The following CCSER1 variants were observed in gnomAD, a reference collection of about 807,000 sequenced individuals.
The protein encoded by CCSER1 is serine-rich coiled-coil domain-containing protein 1.
CCSER1 carries 41 observed loss-of-function variants against 82.0 expected under a neutral mutation model. The ratio of observed to expected loss-of-function variants is 0.50; its 90% CI spans 0.39 to 0.65. CCSER1 has a LOEUF of 0.65. Among genes scored for constraint, CCSER1 ranks in the 30% least tolerant of loss-of-function variants. The probability of loss-of-function intolerance (pLI) is 0.00; values close to 1 mark genes in which losing one functional copy is unlikely to be tolerated. For synonymous variants in CCSER1, 414 were observed against 383.9 expected, an observed-to-expected ratio of 1.08 and a Z score of -0.92; for missense variants, 1,119 against 1,064.2, an observed-to-expected ratio of 1.05 and a Z score of -0.72.
intron 9 of CCSER1, among the ~76,000 whole-genome samples, chr4:90,962,736 G>A (rs1734170000): frequency 6.6e-6 from 1 of 152,086 alleles, no homozygotes; most frequent in African/African-American, 2.4e-5. Flanking sequence ...GCCATGTCTT[G>A]GGTTCTTACC....
At chr4:90,501,305 C>T (rs372764818) in intron 5 of CCSER1, among the ~76,000 whole-genome samples, 1 of 152,070 alleles carries the variant, frequency 6.6e-6, no homozygotes, top group East Asian at 1.9e-4. Flanking sequence ...AATTTCCGGT[C>T]TTTAAAGTGA....
intron 10 of CCSER1, among the ~76,000 whole-genome samples, chr4:91,427,335 T>C (rs1754044185): frequency 6.6e-6 from 1 of 152,156 alleles, no homozygotes; most frequent in Non-Finnish European, 1.5e-5. Flanking sequence ...CAAAGTGTGA[T>C]TCATGTAATA....
chr4:90,751,691 C>T (rs774372777), intron 7 of CCSER1, among the ~76,000 whole-genome samples: 14 of 151,996 alleles, frequency 9.2e-5, no homozygotes, highest in Non-Finnish European at 1.8e-4. Flanking sequence ...ATAACATATT[C>T]ATTTTGAGAA....
intron 1 of CCSER1, among the ~76,000 whole-genome samples, chr4:90,147,319 A>G (rs1726001259): frequency 6.6e-6 from 1 of 152,184 alleles, no homozygotes; most frequent in African/African-American, 2.4e-5. Context: ...CAGAAAACTC[A>G]TTAACTTGTC....
chr4:90,925,285 G>C (rs907494001), intron 9 of CCSER1, among the ~76,000 whole-genome samples: 1 of 152,048 alleles, frequency 6.6e-6, no homozygotes, highest in African/African-American at 2.4e-5. Context: ...GAAAAATGAA[G>C]TCACTTTTTT....
chr4:90,310,970 T>C (rs75325589), intron 2 of CCSER1, among the ~76,000 whole-genome samples: 4,793 of 152,142 alleles, frequency 0.032, 197 homozygotes, highest in African/African-American at 0.096. Flanking sequence ...CATATATGCC[T>C]AGCTCCTTTA....
At chr4:90,346,125 A>AT (rs1483633525) in intron 3 of CCSER1, among the ~76,000 whole-genome samples, 4 of 152,068 alleles carry the variant, frequency 2.6e-5, no homozygotes, top group Non-Finnish European at 4.4e-5. Context: ...GTTAAAACAC[A>AT]TTTTACCCAA....
chr4:90,747,282 G>A (rs559814229), intron 7 of CCSER1, among the ~76,000 whole-genome samples: 168 of 152,194 alleles, frequency 1.1e-3, no homozygotes, highest in African/African-American at 3.8e-3. Context: ...TGAAATAATG[G>A]TCAGTTTTCC....
intron 10 of CCSER1, among the ~76,000 whole-genome samples, chr4:91,216,004 C>A (rs534686346): frequency 6.6e-6 from 1 of 152,288 alleles, no homozygotes; most frequent in East Asian, 1.9e-4. Context: ...GTAACAAAAG[C>A]GGTCTGTGTT....
At chr4:90,251,296 C>A (rs1338564260) in intron 1 of CCSER1, among the ~76,000 whole-genome samples, 1 of 151,716 alleles carries the variant, frequency 6.6e-6, no homozygotes, top group Non-Finnish European at 1.5e-5. Flanking sequence ...ATTGAACAGT[C>A]TTATTTTTTT....
At chr4:90,761,193 AC>A (rs1561087978) in intron 7 of CCSER1, among the ~76,000 whole-genome samples, 1 of 151,986 alleles carries the variant, frequency 6.6e-6, no homozygotes, top group African/African-American at 2.4e-5. Flanking sequence ...TAGACTCCCT[AC>A]CCTCACACTT....
At chr4:90,737,089 G>A (rs1475650098) in intron 7 of CCSER1, among the ~76,000 whole-genome samples, 1 of 151,968 alleles carries the variant, frequency 6.6e-6, no homozygotes. Flanking sequence ...AGTTGTTCTA[G>A]CTATTATTTT....
chr4:91,549,791 C>T (rs1280983523), intron 10 of CCSER1, among the ~76,000 whole-genome samples: 1 of 152,116 alleles, frequency 6.6e-6, no homozygotes, highest in Non-Finnish European at 1.5e-5. Flanking sequence ...GCCAAGATTG[C>T]ATCACTGCAC....
At chr4:90,358,002 T>TA (rs990345364) in intron 3 of CCSER1, among the ~76,000 whole-genome samples, 4 of 151,660 alleles carry the variant, frequency 2.6e-5, no homozygotes, top group African/African-American at 4.8e-5. Flanking sequence ...ATAAAGTCCC[T>TA]AAAAAAAATA....
At chr4:91,537,097 T>C (rs1761336921) in intron 10 of CCSER1, among the ~76,000 whole-genome samples, 1 of 152,132 alleles carries the variant, frequency 6.6e-6, no homozygotes, top group African/African-American at 2.4e-5. Flanking sequence ...TAATAGTCAT[T>C]ATGTGTTTAT....
intron 10 of CCSER1, among the ~76,000 whole-genome samples, chr4:91,288,364 G>T: frequency 6.6e-6 from 1 of 151,748 alleles, no homozygotes; most frequent in Non-Finnish European, 1.5e-5. Flanking sequence ...CTGTACATAA[G>T]TAAAGATAGA....
chr4:90,185,095 A>C (rs1734372566), intron 1 of CCSER1, among the ~76,000 whole-genome samples: 1 of 152,080 alleles, frequency 6.6e-6, no homozygotes. Flanking sequence ...TCTGAGAGTC[A>C]GCAGTATTGA....
At chr4:90,381,028 T>C (rs948663592) in intron 3 of CCSER1, among the ~76,000 whole-genome samples, 11 of 152,220 alleles carry the variant, frequency 7.2e-5, no homozygotes, top group Admixed American at 7.2e-4. Context: ...CCAGGAGTGC[T>C]GGCCCAGCCA....
intron 3 of CCSER1, among the ~76,000 whole-genome samples, chr4:90,337,166 G>C (rs1740560334): frequency 6.6e-6 from 1 of 152,204 alleles, no homozygotes; most frequent in South Asian, 2.1e-4. Context: ...GAATTGCACA[G>C]AAGGATAAGT....
Sources: allele counts gnomAD v4.1 joint callset (sites outside exome capture counted in the v4.1 genomes callset), GRCh38; gene constraint gnomAD v4.1.1; transcripts MANE v1.5; gene names NCBI Gene and HGNC (gene_info 2026-07-23, HGNC 2026-07-21).